Variants in ABLIM2 observed in about 807,000 individuals in gnomAD.
ABLIM2 encodes actin binding LIM protein family member 2, also known as actin-binding LIM protein 2.
Under a neutral mutation model 97.7 loss-of-function variants are expected in ABLIM2, and 53 were observed. The observed-to-expected ratio is 0.54, with a 90% CI of 0.44 to 0.68. ABLIM2 has a LOEUF of 0.68. Ranked by LOEUF, ABLIM2 falls within the 30% of genes least tolerant of loss-of-function variation. The pLI, the probability that ABLIM2 is intolerant of heterozygous loss-of-function variation, is 0.00. For synonymous variants in ABLIM2, 361 were observed against 345.8 expected (o/e 1.04, Z -0.49); for missense variants, 835 against 867.2 (o/e 0.96, Z 0.47).
chr4:8,144,673 G>A (rs111864809), intron 1 of ABLIM2, among the ~76,000 whole-genome samples: 2 of 152,120 alleles, frequency 1.3e-5, no homozygotes, highest in Non-Finnish European at 2.9e-5. Flanking sequence ...CTATGTCCCC[G>A]CCTGTAAAAT....
rs567599689 is a variant in ABLIM2, at chr4:8,032,162, T to C, written c.1048-2386A>G. ...GCGGCCGCACAGACTGCAGTCTGAT[T>C]GGCAGCTCTCTATGTCACTGATTAA... is the stretch of plus-strand genomic sequence containing the variant. On this transcript the variant is annotated intron_variant, in intron 10 of 20. Transcript: ENST00000447017. The surrounding 1 kb of genome is among the most constrained non-coding windows in gnomAD (Gnocchi z 4.3). 3.9e-4 allele frequency among the ~76,000 whole-genome samples: 59 copies of C among 151,032 alleles called. No individual in the cohort carries two copies. The highest frequency in any genetic ancestry group is 6.3e-4 in the Non-Finnish European group (43 of 67,826).
At position 8,120,113 on chromosome 4, in the gene ABLIM2, G is replaced by A. The variant is rs572874881; in HGVS notation, c.11-13476C>T. On this transcript the variant is annotated intron_variant, in intron 1 of 20. Coordinates refer to ENST00000447017, the MANE Select transcript of ABLIM2 (RefSeq NM_001130083.2). The surrounding 1 kb of genome is among the most constrained non-coding windows in gnomAD (Gnocchi z 5.6). Reference sequence around the variant, plus strand: ...CCCTGGCGGCCCCCAGAGCCTGAGAGGAGCCTCTCCTCTGGGAGGCAGGAA... The same window carrying A: ...CCCTGGCGGCCCCCAGAGCCTGAGAAGAGCCTCTCCTCTGGGAGGCAGGAA... 1.1e-3 allele frequency among the ~76,000 whole-genome samples: 168 copies of A among 152,284 alleles called. 1 individual carries two copies. The highest frequency in any genetic ancestry group is 4.0e-3 in the African/African-American group (165 of 41,554).
In ABLIM2 at chr4:8,021,147, C is replaced by T. The variant is rs985477534; in HGVS notation, c.1268-844G>A. 6.6e-6 allele frequency among the ~76,000 whole-genome samples: 1 copy of T among 152,174 alleles called. No individual in the cohort carries two copies. The highest frequency in any genetic ancestry group is 2.4e-5 in the African/African-American group (1 of 41,434). ...CTGGGATTACAGGCATGAGCCACCG[C>T]ACCCTGGCCACATTCTTAAATACAA... On this transcript the variant is annotated intron_variant, in intron 12 of 20. Transcript: ENST00000447017. The surrounding 1 kb of genome is among the most constrained non-coding windows in gnomAD (Gnocchi z 5.5).
At chr4:8,062,037 T>C (rs1803507176) in intron 6 of ABLIM2, among the ~76,000 whole-genome samples, 2 of 151,696 alleles carry the variant, frequency 1.3e-5, no homozygotes, top group Admixed American at 1.3e-4. Context: ...GATAAGGCCG[T>C]GAATCTTCCA....
Position 8,015,924 on chromosome 4 carries a change from T to C in ABLIM2, c.1423+3694A>G, listed in dbSNP as rs1215945241. ...TATGCATATTTTCCTAAATTTTATA[T>C]AGCAAATCGATGATAAAATCACCAC... On this transcript the variant is annotated intron_variant, in intron 14 of 20. Transcript: ENST00000447017. This position sits in a 1 kb window ranked among gnomAD's most constrained non-coding sequence, Gnocchi z 4.6. Among the ~76,000 whole-genome samples the C allele has an allele frequency of 6.6e-6, 1 of 152,132 alleles. No homozygotes were observed. The highest frequency in any genetic ancestry group is 2.4e-5 in the African/African-American group (1 of 41,420).
chr4:8,027,338 G>C (rs887003631), intron 12 of ABLIM2, among the ~76,000 whole-genome samples: 1 of 152,196 alleles, frequency 6.6e-6, no homozygotes, highest in Non-Finnish European at 1.5e-5. Context: ...GGCCCCAGGA[G>C]CTCTGGGGCT....
intron 20 of ABLIM2, among the ~76,000 whole-genome samples, chr4:7,974,995 G>C (rs1431751997): frequency 6.6e-6 from 1 of 152,210 alleles, no homozygotes; most frequent in Non-Finnish European, 1.5e-5. Flanking sequence ...GAGGTGGGAG[G>C]ATCACTTGAG....
Position 8,009,782 on chromosome 4 carries a change from C to T in ABLIM2, c.1424-680G>A, listed in dbSNP as rs541956946. Among the ~76,000 whole-genome samples the T allele has an allele frequency of 2.8e-3, 433 of 152,284 alleles. 4 individuals are homozygous for T. Among genetic ancestry groups the T allele is most frequent in the African/African-American group, 9.8e-3 (408 of 41,544 alleles). On this transcript the variant is annotated intron_variant, in intron 14 of 20. Transcript: ENST00000447017. ...TGGAGGCCTACGTGTCTGACTTGGG[C>T]GAGGGGCTCTGGATACGCCACTGAC...
Position 7,995,139 on chromosome 4 carries a change from C to G in ABLIM2, c.1619-2212G>C, listed in dbSNP as rs192274228. ...AACCACTATGAGATATCATCTCACA[C>G]CAGTTAGAATGGCAATCATTAAAAA... On this transcript the variant is annotated intron_variant, in intron 16 of 20. Transcript: ENST00000447017. 3.4e-3 allele frequency among the ~76,000 whole-genome samples: 189 copies of G among 56,414 alleles called. 24 individuals carry two copies. The highest frequency in any genetic ancestry group is 6.9e-3 in the African/African-American group (175 of 25,250). 37.0% of individuals were successfully genotyped at this position (56,414 alleles called of 152,430 possible). A position where few individuals can be genotyped will look rare whatever the true frequency, so the allele number is the denominator to read the frequency against.
In ABLIM2 at chr4:8,083,587, G is replaced by A. The variant is rs184389648; in HGVS notation, c.455-2785C>T. Among the ~76,000 whole-genome samples, 1 of 152,254 alleles carries A rather than the reference G, an allele frequency of 6.6e-6. No homozygotes were observed. The highest frequency in any genetic ancestry group is 2.1e-4 in the South Asian group (1 of 4,834). ...TTCTCCTATCAGCAGTACACGTGGAGATGAGAGCAAGGTGCAAAAGGAGCG... is the reference window on the plus strand; with the variant it reads ...TTCTCCTATCAGCAGTACACGTGGAAATGAGAGCAAGGTGCAAAAGGAGCG... On this transcript the variant is annotated intron_variant, in intron 4 of 20. Coordinates refer to ENST00000447017, the MANE Select transcript of ABLIM2 (RefSeq NM_001130083.2). This position sits in a 1 kb window ranked among gnomAD's most constrained non-coding sequence, Gnocchi z 4.6.
In ABLIM2 at chr4:8,097,809, C is replaced by T. The variant is rs750738283; in HGVS notation, c.155-527G>A. Among the ~76,000 whole-genome samples the T allele has an allele frequency of 9.2e-4, 140 of 152,292 alleles. 1 individual carries two copies. The highest frequency in any genetic ancestry group is 1.7e-3 in the Non-Finnish European group (117 of 68,012). Reference sequence around the variant, plus strand: ...AGGCTTCCCACCCCCTCCCCCACTCCTCTGGGTCTCCATGCCCTCATGGCC... The same window carrying T: ...AGGCTTCCCACCCCCTCCCCCACTCTTCTGGGTCTCCATGCCCTCATGGCC... On this transcript the variant is annotated intron_variant, in intron 2 of 20. Transcript: ENST00000447017.
chr4:8,070,286 A>G lies in ABLIM2; in HGVS notation c.675+7342T>C, dbSNP rs61670444. On this transcript the variant is annotated intron_variant, in intron 6 of 20. Coordinates refer to ENST00000447017, the MANE Select transcript of ABLIM2 (RefSeq NM_001130083.2). The stretch of plus-strand genomic sequence containing the variant: ...GTCTGTGGGTTGTGCATGTGTGTGT[A>G]TATCTCGTGTGTGTCTGTGGATGTG... Among the ~76,000 whole-genome samples the G allele has an allele frequency of 4.6e-3, 687 of 149,920 alleles. 6 individuals carry two copies. The highest frequency in any genetic ancestry group is 0.016 in the African/African-American group (639 of 40,712).
intron 9 of ABLIM2, among the ~76,000 whole-genome samples, chr4:8,037,410 C>T (rs1057204622): frequency 6.6e-6 from 1 of 151,976 alleles, no homozygotes; most frequent in Non-Finnish European, 1.5e-5. Flanking sequence ...AGAGAACATG[C>T]CTGTCTGAGA....
At chr4:8,118,397 G>T (rs1418706554) in intron 1 of ABLIM2, among the ~76,000 whole-genome samples, 2 of 152,152 alleles carry the variant, frequency 1.3e-5, no homozygotes, top group African/African-American at 4.8e-5. Flanking sequence ...AAAACTTGGG[G>T]TAGGTCCCTT....
chr4:8,123,549 G>A lies in ABLIM2; in HGVS notation c.11-16912C>T, dbSNP rs571049149. ...CCGGCATGTCTAATTAAAACTGGTC[G>A]TCGGGATGGCTGGCCTGGAGCCCAG... On this transcript the variant is annotated intron_variant, in intron 1 of 20. Coordinates refer to ENST00000447017, the MANE Select transcript of ABLIM2 (RefSeq NM_001130083.2). The surrounding 1 kb of genome is among the most constrained non-coding windows in gnomAD (Gnocchi z 6.2). Among the ~76,000 whole-genome samples, 11 of 152,332 alleles carry A rather than the reference G, an allele frequency of 7.2e-5. No homozygotes were observed. Among genetic ancestry groups the A allele is most frequent in the South Asian group, 2.1e-4 (1 of 4,828 alleles).
chr4:8,047,566 T>C (rs1048542113), intron 8 of ABLIM2, among the ~76,000 whole-genome samples: 1 of 152,208 alleles, frequency 6.6e-6, no homozygotes, highest in Non-Finnish European at 1.5e-5. Context: ...GATGGCCCAA[T>C]ACCACCTGCT....
At chr4:8,088,793 C>T (rs1442488524) in intron 3 of ABLIM2, among the ~76,000 whole-genome samples, 2 of 152,194 alleles carry the variant, frequency 1.3e-5, no homozygotes, top group African/African-American at 4.8e-5. Flanking sequence ...TTGGTATTTG[C>T]TTCATGTTTT....
rs1749181234 is a variant in ABLIM2 at position 7,992,012 on chromosome 4, A to G, written c.1680+854T>C. On this transcript the variant is annotated intron_variant, in intron 17 of 20. Transcript: ENST00000447017. This position sits in a 1 kb window ranked among gnomAD's most constrained non-coding sequence, Gnocchi z 5.7. ...CTCGGTTGAGAGGTGAATTGCCTCTATTTATGAACAAATTTCCAGACTGGG... is the reference window on the plus strand; with the variant it reads ...CTCGGTTGAGAGGTGAATTGCCTCTGTTTATGAACAAATTTCCAGACTGGG... 6.6e-6 allele frequency among the ~76,000 whole-genome samples: 1 copy of G among 152,136 alleles called. No individual in the cohort carries two copies. Among genetic ancestry groups the G allele is most frequent in the African/African-American group, 2.4e-5 (1 of 41,424 alleles).
intron 10 of ABLIM2, among the ~76,000 whole-genome samples, chr4:8,031,149 G>C (rs974007270): frequency 1.8e-4 from 28 of 152,228 alleles, no homozygotes; most frequent in African/African-American, 6.0e-4. Context: ...AAGCAGGCAA[G>C]TCCCAGTAAG....
Sources: allele counts gnomAD v4.1 joint callset (sites outside exome capture counted in the v4.1 genomes callset), GRCh38; gene constraint gnomAD v4.1.1; non-coding constraint Gnocchi (gnomAD v3.1); transcripts MANE v1.5; gene names NCBI Gene and HGNC (gene_info 2026-07-23, HGNC 2026-07-21).